NAALADL2: variants seen among roughly 807,000 people sequenced by gnomAD.
The protein encoded by NAALADL2 is N-acetylated alpha-linked acidic dipeptidase like 2.
A neutral mutation model predicts 87.2 loss-of-function variants in NAALADL2; 76 were observed. The observed-to-expected ratio is 0.87, with a 90% CI of 0.72 to 1.05. The LOEUF is 1.05. Among genes scored for constraint, NAALADL2 ranks in the 50% least tolerant of loss-of-function variants. NAALADL2 has a pLI of 0.00. For synonymous variants in NAALADL2, 354 were observed against 331.0 expected (o/e 1.07, Z -0.75); for missense variants, 1,089 against 945.8 (o/e 1.15, Z -1.99).
chr3:175,450,446 A>G (rs991371735), intron 6 of NAALADL2, among the ~76,000 whole-genome samples: 1 of 152,212 alleles, frequency 6.6e-6, no homozygotes, highest in Non-Finnish European at 1.5e-5. Context: ...ATGTGTGAGA[A>G]TCCACTAATT....
rs150950183 is a variant in NAALADL2 at position 175,568,698 on chromosome 3, A to G, written c.1654-7343A>G. Reference sequence around the variant, plus strand: ...CTATATAGACCCAGTCTCAAAAATTATGTTTCAACTGCTTCAGTTAAAATG... The same window carrying G: ...CTATATAGACCCAGTCTCAAAAATTGTGTTTCAACTGCTTCAGTTAAAATG... On this transcript the variant is annotated intron_variant, in intron 9 of 13. Transcript: ENST00000454872. Among the ~76,000 whole-genome samples the G allele has an allele frequency of 1.4e-3, 209 of 152,354 alleles. 1 individual carries two copies. The highest frequency in any genetic ancestry group is 4.7e-3 in the African/African-American group (194 of 41,580).
At chr3:175,134,782 A>G (rs73041363) in intron 2 of NAALADL2, among the ~76,000 whole-genome samples, 4,224 of 152,210 alleles carry the variant, frequency 0.028, 217 homozygotes, top group African/African-American at 0.097. Context: ...CACCACTGCC[A>G]CTCTAAGTGA....
intron 1 of NAALADL2, among the ~76,000 whole-genome samples, chr3:174,912,635 G>A (rs1487840667): frequency 6.6e-6 from 1 of 152,086 alleles, no homozygotes; most frequent in Non-Finnish European, 1.5e-5. Flanking sequence ...ATTAATTTAT[G>A]CAACTTAATG....
intron 3 of NAALADL2, among the ~76,000 whole-genome samples, chr3:174,817,675 A>G (rs1275511343): frequency 3.9e-5 from 6 of 152,180 alleles, no homozygotes; most frequent in Admixed American, 3.9e-4. Flanking sequence ...TGGTAATAAC[A>G]TTAAAAACAA....
chr3:174,603,287 C>G (rs1361840301), intron 2 of NAALADL2, among the ~76,000 whole-genome samples: 2 of 151,876 alleles, frequency 1.3e-5, no homozygotes, highest in African/African-American at 4.8e-5. Flanking sequence ...GATCTTATTA[C>G]TTGTTGTTGG....
chr3:175,368,772 T>C lies in NAALADL2; in HGVS notation c.1090+44447T>C, dbSNP rs542326592. Among the ~76,000 whole-genome samples the C allele has an allele frequency of 1.2e-3, 183 of 152,282 alleles. 1 individual carries two copies. Among genetic ancestry groups the C allele is most frequent in the Admixed American group, 0.012 (181 of 15,290 alleles). On this transcript the variant is annotated intron_variant, in intron 5 of 13. Transcript: ENST00000454872. ...CAACTAGGTTATGTCGTATAGCTTATTACTTCTAAGCTACAAACCTGCATA... is the reference window on the plus strand; with the variant it reads ...CAACTAGGTTATGTCGTATAGCTTACTACTTCTAAGCTACAAACCTGCATA...
In NAALADL2 at chr3:174,659,223, A is replaced by G. The variant is rs926026834; in HGVS notation, c.-114-78418A>G. 2.6e-5 allele frequency among the ~76,000 whole-genome samples: 4 copies of G among 152,312 alleles called. No homozygotes were observed. In the East Asian group the frequency reaches 7.7e-4, roughly 29 times the overall value. ...ATTTTTCTTGGAACTAGTGTCATTA[A>G]AACTTGAAATCAAAACTATGTTCCC... On this transcript the variant is annotated intron_variant, in intron 2 of 3. Transcript: ENST00000434257.
Position 175,245,264 on chromosome 3 carries a change from C to T in NAALADL2, c.819+11060C>T, listed in dbSNP as rs115701074. On this transcript the variant is annotated intron_variant, in intron 3 of 13. Transcript: ENST00000454872. ...GGACAGCTATATAATCTCTAAGGTA[C>T]TATTTATTAAATTCTGGAAAATGTT... Among the ~76,000 whole-genome samples, 1,138 of 152,214 alleles carry T rather than the reference C, an allele frequency of 7.5e-3. 16 individuals carry two copies. Among genetic ancestry groups the T allele is most frequent in the African/African-American group, 0.025 (1,037 of 41,520 alleles).
At chr3:175,028,496 A>G (rs1752456624) in intron 1 of NAALADL2, among the ~76,000 whole-genome samples, 1 of 152,088 alleles carries the variant, frequency 6.6e-6, no homozygotes, top group East Asian at 1.9e-4. Flanking sequence ...AGGTAATTTT[A>G]TGATGTGTAT....
chr3:175,210,506 A>G (rs73881446), intron 2 of NAALADL2, among the ~76,000 whole-genome samples: 14,469 of 151,780 alleles, frequency 0.095, 864 homozygotes, highest in East Asian at 0.2. Flanking sequence ...TGAAGAATAC[A>G]TAATATAAGT....
At chr3:175,439,504 A>AT (rs58380359) in intron 5 of NAALADL2, among the ~76,000 whole-genome samples, 3 of 151,322 alleles carry the variant, frequency 2.0e-5, no homozygotes, top group South Asian at 2.1e-4. Context: ...GCCAACATCT[A>AT]TTTTTTTTTA....
intron 3 of NAALADL2, among the ~76,000 whole-genome samples, chr3:174,763,833 A>ACAAAAC (rs201885696): frequency 6.7e-6 from 1 of 149,266 alleles, no homozygotes; most frequent in African/African-American, 2.5e-5. Flanking sequence ...ACAAAACAAA[A>ACAAAAC]AAAAAAAAAC....
chr3:175,391,342 G>A (rs1226310198), intron 5 of NAALADL2, among the ~76,000 whole-genome samples: 1 of 152,206 alleles, frequency 6.6e-6, no homozygotes, highest in East Asian at 1.9e-4. Flanking sequence ...CATAAAAATT[G>A]TAGGATGTCA....
At chr3:175,591,841 T>TTA (rs1003060104) in intron 10 of NAALADL2, among the ~76,000 whole-genome samples, 1 of 147,204 alleles carries the variant, frequency 6.8e-6, no homozygotes, top group Non-Finnish European at 1.5e-5. Context: ...TGAAAATGCT[T>TTA]TATATATATA....
intron 11 of NAALADL2, among the ~76,000 whole-genome samples, chr3:175,685,898 C>T (rs1188139721): frequency 6.6e-6 from 1 of 152,166 alleles, no homozygotes; most frequent in South Asian, 2.1e-4. Flanking sequence ...TTATTTAGAA[C>T]ACGTTTTAAA....
At chr3:175,511,218 T>C (rs1731105697) in intron 9 of NAALADL2, among the ~76,000 whole-genome samples, 1 of 152,200 alleles carries the variant, frequency 6.6e-6, no homozygotes, top group African/African-American at 2.4e-5. Flanking sequence ...GAAACTCTTG[T>C]GAGAGACTAA....
chr3:174,944,832 C>T (rs559834145), intron 1 of NAALADL2, among the ~76,000 whole-genome samples: 1 of 152,110 alleles, frequency 6.6e-6, no homozygotes, highest in African/African-American at 2.4e-5. Flanking sequence ...ATTCTGTCAC[C>T]ACTTCCCTGG....
chr3:175,463,653 T>C (rs954834436), intron 7 of NAALADL2, among the ~76,000 whole-genome samples, 160 bp downstream of exon 7: 1 of 150,438 alleles, frequency 6.6e-6, no homozygotes, highest in African/African-American at 2.5e-5. Context: ...GAAGTGGGTC[T>C]TCCTTCTCTT....
At chr3:174,650,719 AATTAGGATGTAGAATATGAAGAGACAT>A (rs1724273884) in intron 2 of NAALADL2, among the ~76,000 whole-genome samples, 1 of 152,106 alleles carries the variant, frequency 6.6e-6, no homozygotes, top group Non-Finnish European at 1.5e-5. Flanking sequence ...AGAATGGAAA[AATTAGGATGTAGAATATGAAGAGACAT>A]ATTAGGATGT....
Sources: allele counts gnomAD v4.1 joint callset (sites outside exome capture counted in the v4.1 genomes callset), GRCh38; gene constraint gnomAD v4.1.1; transcripts MANE v1.5; gene names NCBI Gene and HGNC (gene_info 2026-07-23, HGNC 2026-07-21).